Variants in REV3L observed in about 807,000 individuals in gnomAD.
REV3L encodes DNA polymerase zeta catalytic subunit.
A neutral mutation model predicts 299.4 loss-of-function variants in REV3L; 69 were observed. That is an observed-to-expected ratio of 0.23 (90% CI 0.19 to 0.28). The LOEUF (loss-of-function observed/expected upper bound fraction) is 0.28, where lower values mean the gene tolerates loss of function less well. REV3L is among the 10% of genes least tolerant of loss of function. REV3L has a pLI of 1.00. For missense variants in REV3L, 3,128 were observed against 3,693.8 expected (o/e 0.85, Z 3.97); for synonymous variants, 1,238 against 1,271.4 (o/e 0.97, Z 0.56).
chr6:111,371,615 G>C (rs1339320371), intron 13 of REV3L, among the ~76,000 whole-genome samples: 2 of 150,052 alleles, frequency 1.3e-5, no homozygotes, highest in South Asian at 4.2e-4. Flanking sequence ...AGGCAACAAA[G>C]TGCAGTGGCG....
At position 111,300,204 on chromosome 6, in the gene REV3L, G is replaced by A. The variant is rs193252634; in HGVS notation, c.9253-48C>T. On this transcript the variant is annotated intron_variant, in intron 31 of 31. Coordinates refer to ENST00000368802, the MANE Select transcript of REV3L (RefSeq NM_001372078.1). ...AAAAATAATAGGAAAGTTTTTATGC[G>A]TGTATGCAAACAACAAATTTTTATA... 5.4e-4 allele frequency: 796 copies of A among 1,478,868 alleles called. 7 individuals carry two copies. The African/African-American group carries it at 0.01, about 19-fold the overall frequency. 91.6% of individuals were successfully genotyped at this position (1,478,868 alleles called of 1,614,324 possible).
chr6:111,470,843 GGTGGCAC>G (rs1792111683), intron 1 of REV3L, among the ~76,000 whole-genome samples: 1 of 152,106 alleles, frequency 6.6e-6, no homozygotes, highest in African/African-American at 2.4e-5. Flanking sequence ...AGCCGGGTGT[GGTGGCAC>G]GTGGCTGTAA....
At position 111,309,835 on chromosome 6, in the gene REV3L, A is replaced by G. The variant is rs1772764935; in HGVS notation, c.9042+18T>C. 1 of 1,610,586 alleles carries G rather than the reference A, an allele frequency of 6.2e-7. No homozygotes were observed. The highest frequency in any genetic ancestry group is 8.5e-7 in the Non-Finnish European group (1 of 1,178,180). On this transcript the variant is annotated intron_variant, in intron 30 of 31. Transcript: ENST00000368802. The stretch of plus-strand genomic sequence containing the variant: ...ATCTCTCCATAGTTAGAGCACATGT[A>G]CTATTTGGTAAGCTTACCCTTGGTA...
chr6:111,330,075 A>G (rs537745815), intron 24 of REV3L, among the ~76,000 whole-genome samples: 4 of 152,304 alleles, frequency 2.6e-5, no homozygotes, highest in African/African-American at 9.6e-5. Flanking sequence ...AGAAACCCCC[A>G]TTCTTTCAAA....
At chr6:111,363,419 C>T (rs1778895486) in intron 16 of REV3L, among the ~76,000 whole-genome samples, 1 of 152,116 alleles carries the variant, frequency 6.6e-6, no homozygotes, top group Non-Finnish European at 1.5e-5. Context: ...GATCCTCCCA[C>T]CTCAGCCTCC....
chr6:111,483,498 C>G (rs746384245), upstream of REV3L: 1 of 533,878 alleles, frequency 1.9e-6, no homozygotes, highest in South Asian at 1.6e-5. Context: ...GCACCGATCT[C>G]ATGGATGGGC....
intron 30 of REV3L, chr6:111,309,638 A>G: frequency 2.3e-6 from 1 of 444,076 alleles, no homozygotes; most frequent in Non-Finnish European, 3.9e-6. Flanking sequence ...AGGAGTGCCT[A>G]TCCTCACCTA....
At chr6:111,399,894 T>C (rs1051801399) in intron 4 of REV3L, among the ~76,000 whole-genome samples, 39 of 152,248 alleles carry the variant, frequency 2.6e-4, no homozygotes, top group African/African-American at 9.4e-4. Context: ...CTTAAAAAGT[T>C]CCCCTGTACA....
At chr6:111,329,908 C>T (rs1269878173) in intron 24 of REV3L, among the ~76,000 whole-genome samples, 170 bp from the exon 25 acceptor site, 1 of 152,130 alleles carries the variant, frequency 6.6e-6, no homozygotes, top group Non-Finnish European at 1.5e-5. Flanking sequence ...CATTTTATTT[C>T]TTGGAAGAGG....
chr6:111,369,162 A>C (rs1779519626), intron 13 of REV3L, among the ~76,000 whole-genome samples: 3 of 151,866 alleles, frequency 2.0e-5, no homozygotes, highest in Admixed American at 1.3e-4. Flanking sequence ...AGAATAAAAA[A>C]TGGTGAGGTG....
At chr6:111,343,152 T>C (rs978946077) in intron 21 of REV3L, among the ~76,000 whole-genome samples, 3 of 152,218 alleles carry the variant, frequency 2.0e-5, no homozygotes, top group African/African-American at 4.8e-5. Flanking sequence ...TTATTCATAA[T>C]AGCCTCAAAC....
chr6:111,363,850 T>C lies in REV3L; in HGVS notation c.6879+3A>G. On this transcript the variant is annotated splice_donor_region_variant and intron_variant, in intron 16 of 31. Transcript: ENST00000368802. ...GTATGTGTCCTTACTGTTGCAGTTT[T>C]ACCTCATGTAAAGCTTTTGCCTCCT... 1.2e-6 allele frequency: 2 copies of C among 1,612,936 alleles called. No individual in the cohort carries two copies. Among genetic ancestry groups the C allele is most frequent in the Non-Finnish European group, 1.7e-6 (2 of 1,179,516 alleles).
chr6:111,446,683 G>A (rs1178775551), intron 1 of REV3L, among the ~76,000 whole-genome samples: 4 of 149,888 alleles, frequency 2.7e-5, no homozygotes, highest in Non-Finnish European at 5.9e-5. Flanking sequence ...CATGAGCGAC[G>A]GAGTGAGACT....
intron 9 of REV3L, among the ~76,000 whole-genome samples, chr6:111,382,434 T>C (rs551915691): frequency 6.6e-6 from 1 of 152,268 alleles, no homozygotes; most frequent in East Asian, 1.9e-4. Context: ...GGGACTTTGC[T>C]TTGCATTGGA....
At chr6:111,334,775 G>A (rs1008120910) in intron 22 of REV3L, among the ~76,000 whole-genome samples, 1 of 152,084 alleles carries the variant, frequency 6.6e-6, no homozygotes, top group Non-Finnish European at 1.5e-5. Context: ...TAAAACAAAC[G>A]TAGTTGGAAC....
intron 19 of REV3L, 51 bp downstream of exon 19, chr6:111,351,625 T>G: frequency 7.2e-7 from 1 of 1,398,260 alleles, no homozygotes; most frequent in Non-Finnish European, 1.0e-6. Flanking sequence ...CTTTATTTCC[T>G]TTATAATTTG....
chr6:111,481,155 G>A (rs1327846315), intron 1 of REV3L, among the ~76,000 whole-genome samples: 1 of 152,128 alleles, frequency 6.6e-6, no homozygotes, highest in East Asian at 1.9e-4. Context: ...GTAATACACA[G>A]AAATGCCACA....
Position 111,374,658 on chromosome 6 carries a change from A to T in REV3L, c.3697T>A (p.Ser1233Thr), listed in dbSNP as rs1780119146. 3.7e-6 allele frequency: 6 copies of T among 1,613,494 alleles called. No homozygotes were observed. Among genetic ancestry groups the T allele is most frequent in the Non-Finnish European group, 4.2e-6 (5 of 1,179,836 alleles). ...AACTTAACCTCAGCACCAGACTGAG[A>T]TTTTATTTTTTCATCCTTAAGTGTT... ...HTTLKDEKIKSQSGAEVKFVL... is the reference protein window; with the variant it reads ...HTTLKDEKIKTQSGAEVKFVL... The change falls in exon 13 of 32, where the codon TCT becomes ACT. Residue 1233 changes from serine (S) to threonine (T), a missense_variant. Ser to Thr is a moderately conservative substitution (Grantham distance 58). This residue lies in a region of REV3L where 2,409 missense variants were observed against 2,611.8 expected (regional missense o/e 0.92). Transcript: ENST00000368802.
Position 111,375,376 on chromosome 6 carries a change from C to T in REV3L, c.2979G>A (p.Lys993=). The stretch of plus-strand genomic sequence containing the variant: ...TTTCTTTAGAGTCTATTTTTCCTAG[C>T]TTCACAAGCATATTTTTTCTCCCTC... ...RFRGRKNMLV[K]LGKIDSKEKQ... The change falls in exon 13 of 32, where the codon AAG becomes AAA. Residue 993 remains lysine, a synonymous_variant. Coordinates refer to ENST00000368802, the MANE Select transcript of REV3L (RefSeq NM_001372078.1). The T allele has an allele frequency of 6.3e-7, 1 of 1,593,584 alleles. No individual in the cohort carries two copies. Among genetic ancestry groups the T allele is most frequent in the Non-Finnish European group, 8.5e-7 (1 of 1,173,686 alleles).
Sources: gnomAD v4.1 joint callset for allele counts (sites outside exome capture counted in the v4.1 genomes callset) on GRCh38, gnomAD v4.1.1 for gene constraint, gnomAD v4.1.1 regional missense constraint, MANE v1.5 for transcripts, NCBI Gene and HGNC (gene_info 2026-07-23, HGNC 2026-07-21) for gene names.